Variants in SCRT2 observed in about 807,000 individuals in gnomAD.
The protein encoded by SCRT2 is scratch family transcriptional repressor 2.
A neutral mutation model predicts 3.7 loss-of-function variants in SCRT2; 2 were observed. That is an observed-to-expected ratio of 0.54 (90% confidence interval 0.22 to 1.70). The LOEUF is 1.70. Ranked by LOEUF, SCRT2 falls within the 40% of genes most tolerant of loss-of-function variation. The probability of loss-of-function intolerance (pLI) is 0.19; values close to 1 mark genes in which losing one functional copy is unlikely to be tolerated. For missense variants in SCRT2, 456 were observed against 468.5 expected (o/e 0.97, Z 0.25); for synonymous variants, 256 against 220.6 (o/e 1.16, Z -1.42).
intron 1 of SCRT2, among the ~76,000 whole-genome samples, chr20:673,085 C>A (rs911795490): frequency 6.6e-6 from 1 of 152,232 alleles, no homozygotes; most frequent in Admixed American, 6.5e-5. Context: ...TAGGCTTGGT[C>A]TCTGGCACTG....
chr20:671,137 G>T (rs528459625), intron 1 of SCRT2, among the ~76,000 whole-genome samples: 19 of 152,172 alleles, frequency 1.2e-4, no homozygotes, highest in Non-Finnish European at 2.2e-4. Flanking sequence ...CTTGATTCTG[G>T]ACCCAGCACT....
At position 675,105 on chromosome 20, in the gene SCRT2, C is replaced by A. The variant is rs115671275; in HGVS notation, c.133+364G>T. On this transcript the variant is annotated intron_variant, in intron 1 of 1. Transcript: ENST00000246104. This position sits in a 1 kb window ranked among gnomAD's most constrained non-coding sequence, Gnocchi z 6.9. ...CGGGCAGCCAGCTTCTCTTCCTCAA[C>A]GGGGGAGAGGGAACCCTCAAAGTGC... Among the ~76,000 whole-genome samples, 1 of 152,056 alleles carries A rather than the reference C, an allele frequency of 6.6e-6. No homozygotes were observed. The highest frequency in any genetic ancestry group is 1.5e-5 in the Non-Finnish European group (1 of 67,988).
chr20:663,609 G>T lies in SCRT2; in HGVS notation c.*62C>A. ...GGGGCTGGGCGAGGGCGCTGCGGGC[G>T]CAGGTAGGGGGCCCGGGGCGCGTGG... On this transcript the variant is annotated 3_prime_UTR_variant, in exon 2 of 2. Coordinates refer to ENST00000246104, the MANE Select transcript of SCRT2 (RefSeq NM_033129.4). This position sits in a 1 kb window ranked among gnomAD's most constrained non-coding sequence, Gnocchi z 6.9. 1 of 1,282,286 alleles carries T rather than the reference G, an allele frequency of 7.8e-7. No individual in the cohort carries two copies. The highest frequency in any genetic ancestry group is 9.9e-7 in the Non-Finnish European group (1 of 1,012,768). 79.4% of individuals were successfully genotyped at this position (1,282,286 alleles called of 1,614,324 possible).
At chr20:668,685 G>A (rs1984233940) in intron 1 of SCRT2, among the ~76,000 whole-genome samples, 1 of 152,212 alleles carries the variant, frequency 6.6e-6, no homozygotes, top group African/African-American at 2.4e-5. Context: ...AATGACTTTG[G>A]TTTTCCCTGC....
At chr20:674,741 T>A (rs1568659727) in intron 1 of SCRT2, among the ~76,000 whole-genome samples, 1 of 121,564 alleles carries the variant, frequency 8.2e-6, no homozygotes, top group Non-Finnish European at 1.8e-5. Flanking sequence ...GTATGTGTAG[T>A]GAGGAGGGGG....
At chr20:670,809 G>A (rs190630585) in intron 1 of SCRT2, among the ~76,000 whole-genome samples, 40 of 152,212 alleles carry the variant, frequency 2.6e-4, no homozygotes, top group Middle Eastern at 3.4e-3. Flanking sequence ...GGACCCTCAC[G>A]TCCCTCTCGT....
At chr20:671,570 T>C (rs1984331788) in intron 1 of SCRT2, among the ~76,000 whole-genome samples, 1 of 152,112 alleles carries the variant, frequency 6.6e-6, no homozygotes, top group South Asian at 2.1e-4. Context: ...GTGGAATGGA[T>C]GTGTGGCAGC....
Position 663,903 on chromosome 20 carries a change from A to G in SCRT2, c.692T>C (p.Met231Thr). The stretch of plus-strand genomic sequence containing the variant: ...CGGCTTTTCGCCGGTGTGCGAGCGC[A>G]TGTGACCCTGCAGCAGCCAGGGCCG... ...FSRPWLLQGHMRSHTGEKPFG... is the reference protein window; with the variant it reads ...FSRPWLLQGHTRSHTGEKPFG... Residue 231 changes from methionine (M) to threonine (T), a missense_variant, in exon 2 of 2, where the codon ATG (methionine) becomes ACG (threonine). Met to Thr is a moderately conservative substitution (Grantham distance 81). This residue lies in a region of SCRT2 where 144 missense variants were observed against 141.9 expected (regional missense o/e 1.01). Transcript: ENST00000246104. This position sits in a 1 kb window ranked among gnomAD's most constrained non-coding sequence, Gnocchi z 6.9. 1.2e-6 allele frequency: 2 copies of G among 1,606,350 alleles called. No individual in the cohort carries two copies. The highest frequency in any genetic ancestry group is 1.7e-6 in the Non-Finnish European group (2 of 1,178,630).
chr20:669,996 C>A (rs1984279915), intron 1 of SCRT2, among the ~76,000 whole-genome samples: 1 of 152,202 alleles, frequency 6.6e-6, no homozygotes, highest in Non-Finnish European at 1.5e-5. Context: ...CCCACTGACC[C>A]AGGCCCAAGG....
At position 662,330 on chromosome 20, in the gene SCRT2, G is replaced by A. The variant is rs1270475004; in HGVS notation, c.*1341C>T. The stretch of plus-strand genomic sequence containing the variant: ...AGAGGCTCCTCTCTCCGGGCCGCCT[G>A]GAGTGGCAGGGGAAGGTTCAGGAAG... On this transcript the variant is annotated 3_prime_UTR_variant, in exon 2 of 2. Coordinates refer to ENST00000246104, the MANE Select transcript of SCRT2 (RefSeq NM_033129.4). 6.6e-6 allele frequency: 1 copy of A among 152,626 alleles called. No homozygotes were observed. The highest frequency in any genetic ancestry group is 1.5e-5 in the Non-Finnish European group (1 of 68,150). 9.5% of individuals were successfully genotyped at this position (152,626 alleles called of 1,614,324 possible).
In SCRT2 at chr20:667,770, G is replaced by T. The variant is rs534635930; in HGVS notation, c.134-3309C>A. On this transcript the variant is annotated intron_variant, in intron 1 of 1. Coordinates refer to ENST00000246104, the MANE Select transcript of SCRT2 (RefSeq NM_033129.4). This position sits in a 1 kb window ranked among gnomAD's most constrained non-coding sequence, Gnocchi z 4.4. ...ACCAGACACCCAGTCAGTGGATTTTGGCATGGGTTGAGAGCATCCTGTGAG... is the reference window on the plus strand; with the variant it reads ...ACCAGACACCCAGTCAGTGGATTTTTGCATGGGTTGAGAGCATCCTGTGAG... Among the ~76,000 whole-genome samples, 2 of 152,312 alleles carry T rather than the reference G, an allele frequency of 1.3e-5. No individual in the cohort carries two copies. The highest frequency in any genetic ancestry group is 4.1e-4 in the South Asian group (2 of 4,828).
At position 663,729 on chromosome 20, in the gene SCRT2, G is replaced by T. The variant is rs749136861; in HGVS notation, c.866C>A (p.Ala289Glu). The change falls in exon 2 of 2, where the codon GCG becomes GAG. Residue 289 changes from alanine (A) to glutamate (E), a missense_variant. Physicochemically the swap from Ala to Glu is moderately radical, Grantham distance 107. This residue lies in a region of SCRT2 where 144 missense variants were observed against 141.9 expected (regional missense o/e 1.01). Transcript: ENST00000246104. This position sits in a 1 kb window ranked among gnomAD's most constrained non-coding sequence, Gnocchi z 6.9. The part of the protein sequence containing the change: ...LKSYLHKHCE[A>E]ACAKAAEPPP... The stretch of plus-strand genomic sequence containing the variant: ...TGGCTCGGCCGCCTTGGCGCAGGCC[G>T]CCTCGCAGTGCTTGTGGAGGTAGGA... The T allele has an allele frequency of 2.6e-6, 4 of 1,548,516 alleles. No individual in the cohort carries two copies. The highest frequency in any genetic ancestry group is 3.5e-6 in the Non-Finnish European group (4 of 1,150,188).
intron 1 of SCRT2, among the ~76,000 whole-genome samples, chr20:674,395 TCTCTCACACACACACA>T (rs1465191744): frequency 1.2e-4 from 12 of 98,184 alleles, no homozygotes; most frequent in African/African-American, 4.1e-4. Context: ...TCTCTCTCTC[TCTCTCACACACACACA>T]CACACACACA....
In SCRT2 at chr20:664,397, C is replaced by A; in HGVS notation, c.198G>T (p.Leu66=). 7.2e-7 allele frequency: 1 copy of A among 1,397,238 alleles called. No individual in the cohort carries two copies. The highest frequency in any genetic ancestry group is 2.4e-5 in the Admixed American group (1 of 41,188). 86.6% of individuals were successfully genotyped at this position (1,397,238 alleles called of 1,614,324 possible). ...YDADQKPGLE[L]APAEPAYPPA... ...GCGGGTACGCGGGCTCGGCCGGGGC[C>A]AGCTCCAGGCCCGGCTTCTGGTCCG... The change falls in exon 2 of 2, where the codon CTG becomes CTT. Residue 66 remains leucine, a synonymous_variant. Coordinates refer to ENST00000246104, the MANE Select transcript of SCRT2 (RefSeq NM_033129.4). This position sits in a 1 kb window ranked among gnomAD's most constrained non-coding sequence, Gnocchi z 7.9.
At position 662,954 on chromosome 20, in the gene SCRT2, A is replaced by G; in HGVS notation, c.*717T>C. On this transcript the variant is annotated 3_prime_UTR_variant, in exon 2 of 2. Transcript: ENST00000246104. ...CTGGAGCTGGGGCTGGGAGTGGGTG[A>G]TGAGATCCCCATGGACTGAAGACAG... is the stretch of plus-strand genomic sequence containing the variant. The G allele has an allele frequency of 6.5e-6, 1 of 152,806 alleles. No individual in the cohort carries two copies. Among genetic ancestry groups the G allele is most frequent in the Non-Finnish European group, 1.5e-5 (1 of 68,452 alleles). 9.5% of individuals were successfully genotyped at this position (152,806 alleles called of 1,614,324 possible).
rs1984072770 is a variant in SCRT2, at chr20:664,212, T to TCCCCGCCGCCCCCG, written c.369_382dup (p.Asp128AlafsTer48). 1 of 1,178,360 alleles carries TCCCCGCCGCCCCCG rather than the reference T, an allele frequency of 8.5e-7. No homozygotes were observed. Among genetic ancestry groups the TCCCCGCCGCCCCCG allele is most frequent in the Non-Finnish European group, 1.1e-6 (1 of 942,316 alleles). The allele number at this position is 1,178,360 out of a possible 1,614,324, so 73.0% of individuals were successfully genotyped here. A position where few individuals can be genotyped will look rare whatever the true frequency, so the allele number is the denominator to read the frequency against. ...CCCCGCGTCTCCCGAGCCCCCCGCGTCCCCGCCGCCCCCGCCCCGCCGCCG... is the reference window on the plus strand; with the variant it reads ...CCCCGCGTCTCCCGAGCCCCCCGCGTCCCCGCCGCCCCCGCCCCGCCGCCCCCGCCCCGCCGCCG... On this transcript the variant is annotated frameshift_variant, in exon 2 of 2. Coordinates refer to ENST00000246104, the MANE Select transcript of SCRT2 (RefSeq NM_033129.4). LOFTEE classifies it low-confidence loss of function (END_TRUNC). The surrounding 1 kb of genome is among the most constrained non-coding windows in gnomAD (Gnocchi z 7.9).
rs535458278 is a variant in SCRT2 at position 666,523 on chromosome 20, A to G, written c.134-2062T>C. ...TCCCATCATCTCACTGAATCATCAC[A>G]AAACTACTCTCATCACAGATAAGGA... is the stretch of plus-strand genomic sequence containing the variant. On this transcript the variant is annotated intron_variant, in intron 1 of 1. Coordinates refer to ENST00000246104, the MANE Select transcript of SCRT2 (RefSeq NM_033129.4). This position sits in a 1 kb window ranked among gnomAD's most constrained non-coding sequence, Gnocchi z 4.4. Among the ~76,000 whole-genome samples the G allele has an allele frequency of 6.6e-6, 1 of 152,336 alleles. No individual in the cohort carries two copies. The highest frequency in any genetic ancestry group is 1.9e-4 in the East Asian group (1 of 5,190).
At chr20:674,533 G>C (rs1984458471) in intron 1 of SCRT2, among the ~76,000 whole-genome samples, 2 of 152,138 alleles carry the variant, frequency 1.3e-5, no homozygotes, top group Admixed American at 6.5e-5. Context: ...CATCAGGGGA[G>C]AACCCCTTTG....
At position 663,462 on chromosome 20, in the gene SCRT2, T is replaced by G; in HGVS notation, c.*209A>C. 2.4e-6 allele frequency: 1 copy of G among 413,148 alleles called. No homozygotes were observed. The highest frequency in any genetic ancestry group is 4.0e-6 in the Non-Finnish European group (1 of 248,400). 25.6% of individuals were successfully genotyped at this position (413,148 alleles called of 1,614,324 possible). On this transcript the variant is annotated 3_prime_UTR_variant, in exon 2 of 2. Transcript: ENST00000246104. This position sits in a 1 kb window ranked among gnomAD's most constrained non-coding sequence, Gnocchi z 6.9. ...CGAGGGATGGCCGGAAAGGATGAAG[T>G]GGGTCGGGGGACGCTGGGGAAGACG...
Sources: allele counts gnomAD v4.1 joint callset (sites outside exome capture counted in the v4.1 genomes callset), GRCh38; gene constraint gnomAD v4.1.1; regional missense constraint gnomAD v4.1.1; non-coding constraint Gnocchi (gnomAD v3.1); transcripts MANE v1.5; gene names NCBI Gene and HGNC (gene_info 2026-07-23, HGNC 2026-07-21).